Variants in GLMN observed in about 807,000 individuals in gnomAD.
GLMN encodes glomulin, FKBP associated protein.
Under a neutral mutation model 87.8 loss-of-function variants are expected in GLMN, and 75 were observed. The observed-to-expected ratio is 0.85, with a 90% CI of 0.71 to 1.04. GLMN has a LOEUF of 1.04. Among genes scored for constraint, GLMN ranks in the 50% least tolerant of loss-of-function variants. GLMN has a pLI of 0.00. For missense variants in GLMN, 588 were observed against 658.8 expected, an observed-to-expected ratio of 0.89 and a Z score of 1.18; for synonymous variants, 206 against 221.6, an observed-to-expected ratio of 0.93 and a Z score of 0.63.
At chr1:92,297,259 TTC>T (rs1247862838) in intron 3 of GLMN, 143 bp downstream of exon 3, 11 of 1,166,902 alleles carry the variant, frequency 9.4e-6, no homozygotes, top group Non-Finnish European at 1.4e-5. Context: ...GCCTAAATAT[TTC>T]TAATTCTTTT....
the GLMN span, among the ~76,000 whole-genome samples, chr1:92,359,686 A>G: frequency 6.6e-6 from 1 of 152,246 alleles, no homozygotes. Context: ...ATTTAGGCAG[A>G]TTATCAGTTA....
chr1:92,256,713 G>A (rs1654313302), intron 16 of GLMN, among the ~76,000 whole-genome samples: 2 of 152,150 alleles, frequency 1.3e-5, no homozygotes, highest in African/African-American at 4.8e-5. Flanking sequence ...AGCCCTTCAT[G>A]CTAAAAACTC....
At chr1:92,299,039 G>T, upstream of GLMN, 1 of 1,326,476 alleles carries the variant, frequency 7.5e-7, no homozygotes, top group Non-Finnish European at 1.0e-6. Context: ...GCGAGACGCC[G>T]GAGCGTGTCC....
the GLMN span, among the ~76,000 whole-genome samples, chr1:92,365,050 T>G: frequency 2.0e-5 from 3 of 152,232 alleles, no homozygotes; most frequent in East Asian, 5.8e-4. Context: ...ACTTGACCTA[T>G]GCTTGAAACT....
At position 92,263,636 on chromosome 1, in the gene GLMN, G is replaced by A. The variant is rs770529705; in HGVS notation, c.1396C>T (p.Gln466Ter). Reference protein sequence around the residue: ...LPEGAETDLLQNSDRIMASLN... With the variant: ...LPEGAETDLL Reference sequence around the variant, plus strand: ...TGGTCACCTCACCTATCTGAGTTTTGCAGTAAATCTGTTTCTGCACCCTCT... The same window carrying A: ...TGGTCACCTCACCTATCTGAGTTTTACAGTAAATCTGTTTCTGCACCCTCT... The change falls in exon 15 of 19, where the codon CAA becomes TAA. Residue 466 changes from glutamine (Q) to a stop codon, truncating the protein, a stop_gained. Transcript: ENST00000370360. LOFTEE classifies it high-confidence loss of function. The A allele has an allele frequency of 6.8e-7, 1 of 1,474,258 alleles. No individual in the cohort carries two copies. Among genetic ancestry groups the A allele is most frequent in the Non-Finnish European group, 9.5e-7 (1 of 1,052,242 alleles). 91.3% of individuals were successfully genotyped at this position (1,474,258 alleles called of 1,614,324 possible).
intron 16 of GLMN, among the ~76,000 whole-genome samples, chr1:92,260,711 C>T (rs956972334): frequency 1.4e-4 from 20 of 140,066 alleles, no homozygotes; most frequent in Non-Finnish European, 2.9e-4. Context: ...TGAGCCATGA[C>T]TGCCACTGTA....
Position 92,266,708 on chromosome 1 carries a change from C to CA in GLMN, c.1131dup (p.Glu378Ter). 6.3e-7 allele frequency: 1 copy of CA among 1,597,894 alleles called. No individual in the cohort carries two copies. ...ACCAAATATTTACATACCAGTGTCT[C>CA]AATGGGGCAAAGTGTCATTACTTTC... On this transcript the variant is annotated frameshift_variant, in exon 12 of 19. Coordinates refer to ENST00000370360, the MANE Select transcript of GLMN (RefSeq NM_053274.3). LOFTEE classifies it high-confidence loss of function.
chr1:92,291,318 T>A (rs2101042320), intron 4 of GLMN, 100 bp downstream of exon 4: 1 of 1,093,136 alleles, frequency 9.1e-7, no homozygotes, highest in Non-Finnish European at 1.4e-6. Context: ...GCATGTACTT[T>A]CATGAACCAA....
At chr1:92,367,149 G>A in the GLMN span, among the ~76,000 whole-genome samples, 2 of 152,148 alleles carry the variant, frequency 1.3e-5, no homozygotes, top group Admixed American at 6.6e-5. Context: ...CATCTCCAAA[G>A]CTTCAGGTAC....
At chr1:92,324,337 T>G in the GLMN span, 2 of 1,613,900 alleles carry the variant, frequency 1.2e-6, no homozygotes, top group Non-Finnish European at 1.7e-6. Context: ...ACGGTATGTT[T>G]TGGGTGAAGA....
At chr1:92,298,462 G>A (rs1650429738) in intron 1 of GLMN, among the ~76,000 whole-genome samples, 1 of 152,136 alleles carries the variant, frequency 6.6e-6, no homozygotes, top group Non-Finnish European at 1.5e-5. Flanking sequence ...ATCATCAGGG[G>A]ATTTTTCATT....
At chr1:92,306,395 AT>A in the GLMN span, among the ~76,000 whole-genome samples, 2 of 152,220 alleles carry the variant, frequency 1.3e-5, no homozygotes, top group Non-Finnish European at 2.9e-5. Context: ...AATTGTGAAC[AT>A]TTTTTAATTG....
chr1:92,365,167 C>T, the GLMN span, among the ~76,000 whole-genome samples: 1 of 152,284 alleles, frequency 6.6e-6, no homozygotes, highest in East Asian at 1.9e-4. Flanking sequence ...TAATACCTCC[C>T]TTGTATAAAC....
At chr1:92,300,632 T>C (rs1650771700), upstream of GLMN, among the ~76,000 whole-genome samples, 1 of 152,148 alleles carries the variant, frequency 6.6e-6, no homozygotes, top group Non-Finnish European at 1.5e-5. Flanking sequence ...CTTGTACTAG[T>C]TCTGGTTCTA....
chr1:92,360,352 T>C, the GLMN span, among the ~76,000 whole-genome samples: 3 of 152,182 alleles, frequency 2.0e-5, no homozygotes, highest in African/African-American at 4.8e-5. Context: ...GGAGACCAGA[T>C]TGCAAAGGCT....
intron 7 of GLMN, among the ~76,000 whole-genome samples, chr1:92,277,295 A>G (rs372565949): frequency 3.9e-5 from 6 of 152,188 alleles, no homozygotes; most frequent in African/African-American, 1.2e-4. Flanking sequence ...TCTTCCTTTA[A>G]AGTGATGAAT....
At chr1:92,358,360 G>A in the GLMN span, among the ~76,000 whole-genome samples, 1 of 151,862 alleles carries the variant, frequency 6.6e-6, no homozygotes, top group Non-Finnish European at 1.5e-5. Flanking sequence ...CTCTTCCCTT[G>A]GTTAATTCCT....
At chr1:92,324,216 G>A in the GLMN span, 4 of 1,614,134 alleles carry the variant, frequency 2.5e-6, no homozygotes, top group East Asian at 6.7e-5. Context: ...GCTTGGATGA[G>A]TCTTTACCTT....
the GLMN span, chr1:92,304,418 T>C: frequency 1.3e-6 from 1 of 793,510 alleles, no homozygotes; most frequent in Non-Finnish European, 2.0e-6. Context: ...TAACAAGGCA[T>C]GGCAATTAAT....
Sources: allele counts gnomAD v4.1 joint callset (sites outside exome capture counted in the v4.1 genomes callset), GRCh38; gene constraint gnomAD v4.1.1; transcripts MANE v1.5; gene names NCBI Gene and HGNC (gene_info 2026-07-23, HGNC 2026-07-21).